DLGAP1: variants seen among roughly 807,000 people sequenced by gnomAD.
The protein encoded by DLGAP1 is DLG associated protein 1.
Under a neutral mutation model 90.8 loss-of-function variants are expected in DLGAP1, and 11 were observed. That is an observed-to-expected ratio of 0.12 (90% CI 0.08 to 0.20). The LOEUF (loss-of-function observed/expected upper bound fraction) is 0.20, where lower values mean the gene tolerates loss of function less well. Ranked by LOEUF, DLGAP1 falls within the 10% of genes least tolerant of loss-of-function variation. The probability of loss-of-function intolerance (pLI) is 1.00; values close to 1 mark genes in which losing one functional copy is unlikely to be tolerated. For missense variants in DLGAP1, 1,050 were observed against 1,333.8 expected, an observed-to-expected ratio of 0.79 and a Z score of 3.31; for synonymous variants, 558 against 540.7, an observed-to-expected ratio of 1.03 and a Z score of -0.44.
At position 4,434,289 on chromosome 18, in the gene DLGAP1, T is replaced by C. The variant is rs531072546; in HGVS notation, c.-267+20717A>G. Among the ~76,000 whole-genome samples, 3 of 152,152 alleles carry C rather than the reference T, an allele frequency of 2.0e-5. No homozygotes were observed. The South Asian group carries it at 6.2e-4, about 32-fold the overall frequency. On this transcript the variant is annotated intron_variant, in intron 1 of 12. Transcript: ENST00000315677. ...CATAGCATCTTTGAGCACAATGAAA[T>C]GTGTTGTAGCGTCCCCTAAGTGTGG...
At chr18:4,257,838 T>G (rs907235047) in intron 1 of DLGAP1, among the ~76,000 whole-genome samples, 30 of 152,076 alleles carry the variant, frequency 2.0e-4, no homozygotes, top group African/African-American at 7.2e-4. Flanking sequence ...TTGGCCAGGC[T>G]GGTCTCAAAC....
chr18:4,437,572 T>TGA (rs1567922283), intron 1 of DLGAP1, among the ~76,000 whole-genome samples: 1 of 152,236 alleles, frequency 6.6e-6, no homozygotes, highest in Non-Finnish European at 1.5e-5. Flanking sequence ...AAAAAAAAGT[T>TGA]TGTCCATGTT....
intron 2 of DLGAP1, among the ~76,000 whole-genome samples, chr18:4,099,325 ATCTATCTATCTATCTATCTATCTGTCTG>A (rs1378645920): frequency 6.7e-4 from 96 of 144,020 alleles, no homozygotes; most frequent in African/African-American, 2.3e-3. Context: ...CTATCTATCT[ATCTATCTATCTATCTATCTATCTGTCTG>A]TCTGTCTATC....
chr18:3,803,157 G>GA (rs920173241), intron 5 of DLGAP1, among the ~76,000 whole-genome samples: 10 of 152,122 alleles, frequency 6.6e-5, no homozygotes, highest in Admixed American at 5.2e-4. Context: ...GAGTTGGGAA[G>GA]AGATGTCCAC....
At chr18:4,347,760 T>C (rs1174582369) in intron 1 of DLGAP1, among the ~76,000 whole-genome samples, 1 of 152,098 alleles carries the variant, frequency 6.6e-6, no homozygotes, top group East Asian at 1.9e-4. Flanking sequence ...GGGAAGATGC[T>C]AGTTATCTCC....
At chr18:3,633,902 T>C (rs1389234904) in intron 7 of DLGAP1, among the ~76,000 whole-genome samples, 3 of 152,176 alleles carry the variant, frequency 2.0e-5, no homozygotes, top group South Asian at 4.1e-4. Context: ...CGGCCATGCA[T>C]GAAAACAGAA....
At chr18:4,115,114 T>C (rs1165273440) in intron 2 of DLGAP1, among the ~76,000 whole-genome samples, 2 of 152,158 alleles carry the variant, frequency 1.3e-5, no homozygotes, top group East Asian at 3.8e-4. Context: ...CTTTAAATAA[T>C]ATATGCATTA....
chr18:4,374,559 TA>T (rs138124408), intron 1 of DLGAP1, among the ~76,000 whole-genome samples: 1,830 of 151,540 alleles, frequency 0.012, 18 homozygotes, highest in African/African-American at 0.025. Context: ...TGAAAAAGAG[TA>T]AAAAAAATGA....
At chr18:3,927,614 A>G (rs920554031) in intron 3 of DLGAP1, among the ~76,000 whole-genome samples, 3 of 152,210 alleles carry the variant, frequency 2.0e-5, no homozygotes, top group African/African-American at 7.2e-5. Context: ...CTATACATAT[A>G]ATTTAGAGTT....
At chr18:3,816,074 A>G (rs2067090321) in intron 4 of DLGAP1, among the ~76,000 whole-genome samples, 1 of 152,174 alleles carries the variant, frequency 6.6e-6, no homozygotes, top group African/African-American at 2.4e-5. Context: ...CTTCATTATT[A>G]ACATTTAACT....
chr18:4,374,939 T>C (rs2081985790), intron 1 of DLGAP1, among the ~76,000 whole-genome samples: 1 of 152,138 alleles, frequency 6.6e-6, no homozygotes, highest in African/African-American at 2.4e-5. Context: ...AAATTTTAAC[T>C]ATATTAATAG....
intron 7 of DLGAP1, among the ~76,000 whole-genome samples, chr18:3,599,615 G>GT (rs955866258): frequency 5.9e-5 from 9 of 152,126 alleles, no homozygotes; most frequent in Admixed American, 2.0e-4. Context: ...AGGACAGAGA[G>GT]TTTTTTGTTG....
intron 3 of DLGAP1, among the ~76,000 whole-genome samples, chr18:3,920,323 T>C (rs1480567260): frequency 7.6e-6 from 1 of 132,382 alleles, no homozygotes; most frequent in Non-Finnish European, 1.5e-5. Context: ...ACTATACTTC[T>C]GCCTTCAGCG....
rs1007413518 is a variant in DLGAP1, at chr18:3,775,028, C to A, written c.1173-32516G>T. ...TCTGTCCAGGTAAAGAAAGTCTCAT[C>A]TGGACGGACTTTTTTCACAAACCAC... On this transcript the variant is annotated intron_variant, in intron 5 of 12. Transcript: ENST00000315677. The surrounding 1 kb of genome is among the most constrained non-coding windows in gnomAD (Gnocchi z 4.9). 2.0e-5 allele frequency among the ~76,000 whole-genome samples: 3 copies of A among 152,230 alleles called. No individual in the cohort carries two copies. Among genetic ancestry groups the A allele is most frequent in the Admixed American group, 6.5e-5 (1 of 15,292 alleles).
chr18:4,182,099 T>C (rs1383156704), intron 1 of DLGAP1, among the ~76,000 whole-genome samples: 3 of 152,044 alleles, frequency 2.0e-5, no homozygotes, highest in African/African-American at 7.2e-5. Flanking sequence ...AAGCTAGCCG[T>C]GGAAAAAGTG....
chr18:3,576,928 T>C (rs2055189718), intron 8 of DLGAP1, among the ~76,000 whole-genome samples: 1 of 150,058 alleles, frequency 6.7e-6, no homozygotes, highest in African/African-American at 2.5e-5. Context: ...AATGGCACAA[T>C]CTCGGCTCAC....
intron 2 of DLGAP1, among the ~76,000 whole-genome samples, chr18:4,121,063 T>C (rs2076146768): frequency 6.6e-6 from 1 of 152,108 alleles, no homozygotes; most frequent in African/African-American, 2.4e-5. Context: ...AGACGGACAC[T>C]GGTTCACGTG....
chr18:3,651,616 A>AC (rs1237958624), intron 7 of DLGAP1, among the ~76,000 whole-genome samples: 1 of 151,880 alleles, frequency 6.6e-6, no homozygotes, highest in Non-Finnish European at 1.5e-5. Flanking sequence ...AACAAGGCGA[A>AC]CCCCCGTCTC....
chr18:3,772,114 TC>T (rs1338482040), intron 5 of DLGAP1, among the ~76,000 whole-genome samples: 8 of 150,298 alleles, frequency 5.3e-5, no homozygotes, highest in African/African-American at 2.0e-4. Flanking sequence ...TTCTTTTCTT[TC>T]CTTTCTTTCT....
Sources: allele counts gnomAD v4.1 joint callset (sites outside exome capture counted in the v4.1 genomes callset), GRCh38; gene constraint gnomAD v4.1.1; non-coding constraint Gnocchi (gnomAD v3.1); transcripts MANE v1.5; gene names NCBI Gene and HGNC (gene_info 2026-07-23, HGNC 2026-07-21).